The following ADAR variants were observed in gnomAD, a reference collection of about 807,000 sequenced individuals.
ADAR encodes the protein double-stranded RNA-specific adenosine deaminase.
ADAR carries 41 observed loss-of-function variants against 113.2 expected under a neutral mutation model. That is an observed-to-expected ratio of 0.36 (90% CI 0.28 to 0.47). The LOEUF (loss-of-function observed/expected upper bound fraction) is 0.47, where lower values mean the gene tolerates loss of function less well. Ranked by LOEUF, ADAR falls within the 20% of genes least tolerant of loss-of-function variation. ADAR has a pLI of 1.00. For missense variants in ADAR, 1,242 were observed against 1,540.9 expected, an observed-to-expected ratio of 0.81 and a Z score of 3.25; for synonymous variants, 605 against 572.6, an observed-to-expected ratio of 1.06 and a Z score of -0.81.
intron 9 of ADAR, 131 bp downstream of exon 9, chr1:154,589,238 A>G (rs2101582034): frequency 1.3e-6 from 1 of 759,430 alleles, no homozygotes; most frequent in South Asian, 1.4e-5. Flanking sequence ...GGTGAAAAGC[A>G]AAGGCTGCCA....
chr1:154,588,027 T>G, intron 11 of ADAR, 98 bp downstream of exon 11: 2 of 1,568,380 alleles, frequency 1.3e-6, no homozygotes, highest in Non-Finnish European at 1.7e-6. Context: ...CTGTGCCCAG[T>G]GACTAATGGT....
In ADAR at chr1:154,585,505, C is replaced by T. The variant is rs1696700690; in HGVS notation, c.3316-161G>A. ...TAAGACTGAGCACCCTCTAGACATA[C>T]TAACTCCACCTCGATTCAGATTAAT... On this transcript the variant is annotated intron_variant, in intron 13 of 14. Transcript: ENST00000368474. The T allele has an allele frequency of 9.0e-6, 9 of 995,798 alleles. No individual in the cohort carries two copies. The Admixed American group carries it at 1.8e-4, about 20-fold the overall frequency. The allele number at this position is 995,798 out of a possible 1,614,324, so 61.7% of individuals were successfully genotyped here.
At chr1:154,589,729 A>G (rs1281409538) in intron 8 of ADAR, 28 bp downstream of exon 8, 1 of 1,613,900 alleles carries the variant, frequency 6.2e-7, no homozygotes, top group Non-Finnish European at 8.5e-7. Context: ...GCGCCATGGG[A>G]GGCGGCATGT....
At chr1:154,611,278 GAC>G (rs1698478754), upstream of ADAR, among the ~76,000 whole-genome samples, 5 of 152,108 alleles carry the variant, frequency 3.3e-5, no homozygotes, top group South Asian at 1.0e-3. Context: ...TCTAACATAG[GAC>G]ACAGTGGCAA....
In ADAR at chr1:154,597,043, T is replaced by C. The variant is rs377048281; in HGVS notation, c.2080-48A>G. The C allele has an allele frequency of 1.9e-4, 308 of 1,613,890 alleles. 1 individual carries two copies. The highest frequency in any genetic ancestry group is 1.9e-4 in the Non-Finnish European group (223 of 1,179,960). On this transcript the variant is annotated intron_variant, in intron 5 of 14. Coordinates refer to ENST00000368474, the MANE Select transcript of ADAR (RefSeq NM_001111.5). ...GAGGAGCCATAAACACTTCAGGAAATGTTGAGGGAGTCACTGGCAATCTTA... is the reference window on the plus strand; with the variant it reads ...GAGGAGCCATAAACACTTCAGGAAACGTTGAGGGAGTCACTGGCAATCTTA...
Position 154,589,536 on chromosome 1 carries a change from C to G in ADAR, c.2669-74G>C, listed in dbSNP as rs1475417381. The G allele has an allele frequency of 4.2e-6, 6 of 1,416,584 alleles. No individual in the cohort carries two copies. The East Asian group carries it at 1.4e-4, about 32-fold the overall frequency. 87.8% of individuals were successfully genotyped at this position (1,416,584 alleles called of 1,614,324 possible). ...GAAAACAGGATGAAGGCTATTTGTT[C>G]TGAAAGCTTCAAGGCAGAAACAGCC... On this transcript the variant is annotated intron_variant, in intron 8 of 14. Coordinates refer to ENST00000368474, the MANE Select transcript of ADAR (RefSeq NM_001111.5).
In ADAR at chr1:154,589,449, C is replaced by G; in HGVS notation, c.2682G>C (p.Val894=). The G allele has an allele frequency of 6.2e-7, 1 of 1,613,238 alleles. No homozygotes were observed. The highest frequency in any genetic ancestry group is 1.1e-5 in the South Asian group (1 of 91,064). ...VVSLGTGNRC[V]KGDSLSLKGE... ...CTTTTAGGCTGAGAGAATCTCCTTT[C>G]ACACAGCGATTCCCTAGGAAGGTGT... The change falls in exon 9 of 15, where the codon GTG becomes GTC. Residue 894 remains valine, a synonymous_variant. Coordinates refer to ENST00000368474, the MANE Select transcript of ADAR (RefSeq NM_001111.5).
At position 154,590,152 on chromosome 1, in the gene ADAR, C is replaced by CA. The variant is rs774134911; in HGVS notation, c.2496+31_2496+32insT. 7.7e-5 allele frequency: 102 copies of CA among 1,333,276 alleles called. No homozygotes were observed. The East Asian group carries it at 2.2e-3, about 29-fold the overall frequency. 82.6% of individuals were successfully genotyped at this position (1,333,276 alleles called of 1,614,324 possible). ...TAGGAGTTAGGAGGACCCCCCCGCC[C>CA]CAAAAAAGGCACCAAAAGTAGACGT... is the stretch of plus-strand genomic sequence containing the variant. On this transcript the variant is annotated intron_variant, in intron 7 of 14. Transcript: ENST00000368474.
chr1:154,605,400 T>TA (rs34484012), intron 1 of ADAR, among the ~76,000 whole-genome samples: 94,704 of 151,364 alleles, frequency 0.63, 30,722 homozygotes, highest in South Asian at 0.77. Context: ...CAGCACCTGT[T>TA]AAACCATTTA....
At chr1:154,619,182 C>G (rs1393177404) in intron 1 of ADAR, among the ~76,000 whole-genome samples, 2 of 152,182 alleles carry the variant, frequency 1.3e-5, no homozygotes, top group Non-Finnish European at 2.9e-5. Context: ...TGCCCTGATT[C>G]TGTCCACTTT....
chr1:154,605,510 T>C (rs969876498), intron 1 of ADAR, among the ~76,000 whole-genome samples: 1 of 151,944 alleles, frequency 6.6e-6, no homozygotes, highest in Non-Finnish European at 1.5e-5. Context: ...CTATAAGTTA[T>C]ACTCAACTCT....
chr1:154,603,288 C>T (rs188798826), intron 1 of ADAR, among the ~76,000 whole-genome samples: 9 of 152,348 alleles, frequency 5.9e-5, no homozygotes, highest in African/African-American at 1.9e-4. Context: ...ACCTCAGAGT[C>T]ATCTCTGTGG....
chr1:154,589,469 A>G lies in ADAR; in HGVS notation c.2669-7T>C, dbSNP rs1358534015. 6.2e-7 allele frequency: 1 copy of G among 1,608,342 alleles called. No individual in the cohort carries two copies. Among genetic ancestry groups the G allele is most frequent in the Non-Finnish European group, 8.5e-7 (1 of 1,174,788 alleles). On this transcript the variant is annotated splice_region_variant and splice_polypyrimidine_tract_variant and intron_variant, in intron 8 of 14. Coordinates refer to ENST00000368474, the MANE Select transcript of ADAR (RefSeq NM_001111.5). ...CCTTTCACACAGCGATTCCCTAGGA[A>G]GGTGTTTAAAACAGAAATAGAATAA...
At chr1:154,585,440 G>C in intron 13 of ADAR, 96 bp from the exon 14 acceptor site, 1 of 1,572,616 alleles carries the variant, frequency 6.4e-7, no homozygotes, top group South Asian at 1.1e-5. Context: ...AGGAAGTGTG[G>C]GGTCATGATC....
intron 8 of ADAR, 81 bp downstream of exon 8, chr1:154,589,676 C>T (rs796402433): frequency 1.9e-6 from 3 of 1,549,828 alleles, no homozygotes; most frequent in African/African-American, 2.7e-5. Context: ...CTTGGACTTA[C>T]ATGCATGGAC....
chr1:154,615,683 G>T (rs569882711), intron 1 of ADAR, among the ~76,000 whole-genome samples: 31 of 152,286 alleles, frequency 2.0e-4, no homozygotes, highest in African/African-American at 7.5e-4. Context: ...CTGAGTGCTG[G>T]AATTACAGGC....
intron 1 of ADAR, chr1:154,606,074 G>A (rs925011583): frequency 2.5e-6 from 1 of 393,504 alleles, no homozygotes; most frequent in African/African-American, 2.2e-5. Context: ...GCATGATCTC[G>A]GCTCACTGCA....
rs1696885245 is a variant in ADAR, at chr1:154,588,138, G to A, written c.3006C>T (p.Thr1002=). 1 of 1,613,778 alleles carries A rather than the reference G, an allele frequency of 6.2e-7. No individual in the cohort carries two copies. The highest frequency in any genetic ancestry group is 8.5e-7 in the Non-Finnish European group (1 of 1,179,998). ...TGTATCACTCACCGTTCTCCACCTT[G>A]GTGCGGAGCTTTCCTTGTTTGGGAT... ...FENPKQGKLR[T]KVENGEGTIP... is the part of the protein sequence containing the mutation. Residue 1002 remains threonine, a synonymous_variant, in exon 11 of 15, where the codon ACC becomes ACT. Transcript: ENST00000368474.
intron 1 of ADAR, among the ~76,000 whole-genome samples, chr1:154,615,288 G>A (rs1024237851): frequency 1.3e-5 from 2 of 152,232 alleles, no homozygotes; most frequent in African/African-American, 4.8e-5. Flanking sequence ...AAACCAGGGA[G>A]CTCCAAGTCC....
Sources: allele counts gnomAD v4.1 joint callset (sites outside exome capture counted in the v4.1 genomes callset), GRCh38; gene constraint gnomAD v4.1.1; transcripts MANE v1.5; gene names NCBI Gene and HGNC (gene_info 2026-07-23, HGNC 2026-07-21).